NMT2: variants seen among roughly 807,000 people sequenced by gnomAD.
NMT2 encodes the protein glycylpeptide N-tetradecanoyltransferase 2.
NMT2 carries 35 observed loss-of-function variants against 65.4 expected under a neutral mutation model. That is an observed-to-expected ratio of 0.54 (90% confidence interval 0.41 to 0.71). NMT2 has a LOEUF of 0.71. Ranked by LOEUF, NMT2 falls within the 30% of genes least tolerant of loss-of-function variation. The pLI, the probability that NMT2 is intolerant of heterozygous loss-of-function variation, is 0.00. For missense variants in NMT2, 489 were observed against 611.3 expected (o/e 0.80, Z 2.11); for synonymous variants, 226 against 231.8 (o/e 0.98, Z 0.23).
At chr10:15,151,212 C>T (rs867898757) in intron 1 of NMT2, among the ~76,000 whole-genome samples, 23 of 152,120 alleles carry the variant, frequency 1.5e-4, no homozygotes, top group Admixed American at 5.2e-4. Flanking sequence ...GCATGCGCCA[C>T]CATGCTGGCT....
At chr10:15,162,833 A>G (rs1002743948) in intron 1 of NMT2, among the ~76,000 whole-genome samples, 8 of 148,210 alleles carry the variant, frequency 5.4e-5, no homozygotes, top group East Asian at 1.9e-4. Context: ...TGATATTTAT[A>G]TATCTCTATA....
chr10:15,109,082 C>G lies in NMT2; in HGVS notation c.*113G>C. ...TTTTGTCATCTTTTCTGATTATCGACTACTTCAATTTCACTTGAGTTGTGC... is the reference window on the plus strand; with the variant it reads ...TTTTGTCATCTTTTCTGATTATCGAGTACTTCAATTTCACTTGAGTTGTGC... On this transcript the variant is annotated 3_prime_UTR_variant, in exon 12 of 12. Coordinates refer to ENST00000378165, the MANE Select transcript of NMT2 (RefSeq NM_004808.3). 1 of 1,539,418 alleles carries G rather than the reference C, an allele frequency of 6.5e-7. No individual in the cohort carries two copies. The highest frequency in any genetic ancestry group is 8.7e-7 in the Non-Finnish European group (1 of 1,152,472).
At chr10:15,143,758 G>A (rs1846858546) in intron 1 of NMT2, among the ~76,000 whole-genome samples, 1 of 152,126 alleles carries the variant, frequency 6.6e-6, no homozygotes, top group East Asian at 1.9e-4. Flanking sequence ...CTACTTGGGA[G>A]GCTAAGGTGG....
intron 9 of NMT2, among the ~76,000 whole-genome samples, chr10:15,116,444 C>T (rs11259499): frequency 0.06 from 9,093 of 152,184 alleles, 291 homozygotes; most frequent in East Asian, 0.092. Context: ...GAGAGGGAAA[C>T]TGATAGAACT....
chr10:15,157,827 T>C (rs74125546), intron 1 of NMT2, among the ~76,000 whole-genome samples: 2,299 of 152,282 alleles, frequency 0.015, 69 homozygotes, highest in African/African-American at 0.053. Flanking sequence ...CTATGACTTA[T>C]AAAGAAAAAG....
intron 1 of NMT2, among the ~76,000 whole-genome samples, chr10:15,148,524 A>T (rs1350096792): frequency 1.7e-4 from 26 of 152,204 alleles, no homozygotes; most frequent in Admixed American, 1.7e-3. Context: ...ATAAATAAAT[A>T]GTATTAGAAA....
intron 1 of NMT2, among the ~76,000 whole-genome samples, chr10:15,147,045 T>C (rs1846986734): frequency 7.2e-6 from 1 of 139,092 alleles, no homozygotes; most frequent in South Asian, 2.2e-4. Context: ...GTAAGCTATG[T>C]TTGCACCACT....
At chr10:15,139,163 C>A (rs1159120259) in intron 2 of NMT2, among the ~76,000 whole-genome samples, 1 of 152,296 alleles carries the variant, frequency 6.6e-6, no homozygotes, top group South Asian at 2.1e-4. Flanking sequence ...AGTTTTGGAA[C>A]TCAGACTGGC....
Position 15,135,438 on chromosome 10 carries a change from C to G in NMT2, c.247-20G>C. The G allele has an allele frequency of 5.0e-6, 8 of 1,613,190 alleles. No homozygotes were observed. The highest frequency in any genetic ancestry group is 6.8e-6 in the Non-Finnish European group (8 of 1,179,424). On this transcript the variant is annotated intron_variant, in intron 2 of 11. Coordinates refer to ENST00000378165, the MANE Select transcript of NMT2 (RefSeq NM_004808.3). Reference sequence around the variant, plus strand: ...GGGATTCTACGACAGCAAAGACAGACACAGAATATGAGAGAGCGGCTGCTG... The same window carrying G: ...GGGATTCTACGACAGCAAAGACAGAGACAGAATATGAGAGAGCGGCTGCTG...
In NMT2 at chr10:15,106,467, G is replaced by T; in HGVS notation, c.*2728C>A. 1 of 169,238 alleles carries T rather than the reference G, an allele frequency of 5.9e-6. No homozygotes were observed. The highest frequency in any genetic ancestry group is 1.2e-5 in the Non-Finnish European group (1 of 83,472). 10.5% of individuals were successfully genotyped at this position (169,238 alleles called of 1,614,324 possible). On this transcript the variant is annotated 3_prime_UTR_variant, in exon 12 of 12. Coordinates refer to ENST00000378165, the MANE Select transcript of NMT2 (RefSeq NM_004808.3). Reference sequence around the variant, plus strand: ...AATGAGGACTGTTTTGTTTCTTGAAGCCTTTCTCCTGTTAAGAAAGAACGC... The same window carrying T: ...AATGAGGACTGTTTTGTTTCTTGAATCCTTTCTCCTGTTAAGAAAGAACGC...
At chr10:15,129,399 A>G (rs1846198427) in intron 7 of NMT2, among the ~76,000 whole-genome samples, 1 of 152,198 alleles carries the variant, frequency 6.6e-6, no homozygotes, top group South Asian at 2.1e-4. Flanking sequence ...GAATCTGATC[A>G]TTTTCTCACT....
At chr10:15,113,592 T>C (rs1159786044) in intron 9 of NMT2, among the ~76,000 whole-genome samples, 1 of 151,956 alleles carries the variant, frequency 6.6e-6, no homozygotes, top group Non-Finnish European at 1.5e-5. Flanking sequence ...AGCAGATTCA[T>C]TGTTTTTGCA....
At chr10:15,126,455 A>G (rs1186099740) in intron 8 of NMT2, among the ~76,000 whole-genome samples, 1 of 151,812 alleles carries the variant, frequency 6.6e-6, no homozygotes, top group Non-Finnish European at 1.5e-5. Flanking sequence ...AGAAATGGCA[A>G]TGGCGACTGG....
At chr10:15,118,068 GACAA>G (rs377017049) in intron 9 of NMT2, among the ~76,000 whole-genome samples, 32 of 152,250 alleles carry the variant, frequency 2.1e-4, no homozygotes, top group African/African-American at 7.0e-4. Flanking sequence ...AAATGATCTT[GACAA>G]ACAAGAATAA....
chr10:15,133,419 C>CA, intron 3 of NMT2, 56 bp from the exon 4 acceptor site: 1 of 1,348,636 alleles, frequency 7.4e-7, no homozygotes, highest in Non-Finnish European at 1.1e-6. Flanking sequence ...TATTAAATGA[C>CA]AAAGTATTCT....
At chr10:15,156,605 A>G (rs1283609736) in intron 1 of NMT2, among the ~76,000 whole-genome samples, 1 of 152,168 alleles carries the variant, frequency 6.6e-6, no homozygotes, top group Non-Finnish European at 1.5e-5. Flanking sequence ...CTACATTAAA[A>G]ATGTGGTTTC....
At chr10:15,162,421 T>C (rs1833230258) in intron 1 of NMT2, among the ~76,000 whole-genome samples, 1 of 152,162 alleles carries the variant, frequency 6.6e-6, no homozygotes, top group African/African-American at 2.4e-5. Context: ...TCCAGTATGA[T>C]AGCCACTAGT....
intron 6 of NMT2, among the ~76,000 whole-genome samples, chr10:15,132,013 G>T (rs535899620): frequency 6.6e-6 from 1 of 152,014 alleles, no homozygotes; most frequent in Admixed American, 6.6e-5. Context: ...TTACAGGCAC[G>T]TGCCACTATG....
At chr10:15,144,430 T>C (rs1373499722) in intron 1 of NMT2, among the ~76,000 whole-genome samples, 3 of 152,020 alleles carry the variant, frequency 2.0e-5, no homozygotes, top group African/African-American at 7.2e-5. Context: ...AGGATAATTA[T>C]AATCAAAAAG....
Sources: gnomAD v4.1 joint callset for allele counts (sites outside exome capture counted in the v4.1 genomes callset) on GRCh38, gnomAD v4.1.1 for gene constraint, MANE v1.5 for transcripts, NCBI Gene and HGNC (gene_info 2026-07-23, HGNC 2026-07-21) for gene names.